The following IFIH1 variants were observed in gnomAD, a reference collection of about 807,000 sequenced individuals.
The protein encoded by IFIH1 is interferon induced with helicase C domain 1.
A neutral mutation model predicts 107.4 loss-of-function variants in IFIH1; 125 were observed. The ratio of observed to expected loss-of-function variants is 1.16; its 90% CI spans 1.01 to 1.35. The LOEUF (loss-of-function observed/expected upper bound fraction) is 1.35, where lower values mean the gene tolerates loss of function less well. Among genes scored for constraint, IFIH1 ranks in the 40% most tolerant of loss-of-function variants. The pLI is 0.00. For synonymous variants in IFIH1, 458 were observed against 413.2 expected (o/e 1.11, Z -1.31); for missense variants, 1,333 against 1,213.7 (o/e 1.10, Z -1.46).
chr2:162,282,277 C>A (rs921572372), intron 6 of IFIH1, 89 bp downstream of exon 6: 2 of 784,860 alleles, frequency 2.5e-6, no homozygotes, highest in South Asian at 4.3e-5. Context: ...CAATTTAAGC[C>A]ACGAACATTT....
At chr2:162,303,472 T>C (rs1314429356) in intron 3 of IFIH1, among the ~76,000 whole-genome samples, 1 of 152,172 alleles carries the variant, frequency 6.6e-6, no homozygotes, top group Non-Finnish European at 1.5e-5. Flanking sequence ...AGAGTCATAT[T>C]AGGCTCCATG....
At chr2:162,310,132 A>G (rs1683364303) in intron 2 of IFIH1, 1 of 152,304 alleles carries the variant, frequency 6.6e-6, no homozygotes, top group Non-Finnish European at 1.5e-5. Flanking sequence ...GGTCACCAGA[A>G]CAAAACTGCA....
intron 9 of IFIH1, 79 bp from the exon 10 acceptor site, chr2:162,277,772 T>C: frequency 5.4e-6 from 8 of 1,474,982 alleles, no homozygotes; most frequent in Non-Finnish European, 7.2e-6. Flanking sequence ...TGAATATATG[T>C]TACTAACTGC....
intron 13 of IFIH1, among the ~76,000 whole-genome samples, chr2:162,269,066 T>C (rs1426813987): frequency 6.6e-6 from 1 of 152,200 alleles, no homozygotes; most frequent in South Asian, 2.1e-4. Context: ...TCTTAATCAG[T>C]CTACTCTTTA....
chr2:162,297,356 A>G (rs1683109488), intron 3 of IFIH1, among the ~76,000 whole-genome samples: 1 of 152,196 alleles, frequency 6.6e-6, no homozygotes, highest in African/African-American at 2.4e-5. Context: ...TTTTATAAGT[A>G]GATCGCATGG....
intron 13 of IFIH1, 123 bp from the exon 14 acceptor site, chr2:162,268,400 G>A: frequency 1.7e-6 from 1 of 600,984 alleles, no homozygotes; most frequent in Non-Finnish European, 2.8e-6. Flanking sequence ...TTATGGTCTA[G>A]GAAATAAAAA....
intron 1 of IFIH1, among the ~76,000 whole-genome samples, chr2:162,314,678 C>T (rs797010897): frequency 8.6e-5 from 13 of 151,700 alleles, no homozygotes; most frequent in African/African-American, 1.7e-4. Flanking sequence ...TTAGTAGAGA[C>T]GGAGTTTTAC....
chr2:162,304,895 T>A (rs563685904), intron 3 of IFIH1, among the ~76,000 whole-genome samples: 1 of 152,308 alleles, frequency 6.6e-6, no homozygotes, highest in Non-Finnish European at 1.5e-5. Context: ...TGACATTAAG[T>A]ATCAAATGTG....
Position 162,317,861 on chromosome 2 carries a change from T to C in IFIH1, c.447A>G (p.Arg149=). 6.4e-7 allele frequency: 1 copy of C among 1,572,498 alleles called. No individual in the cohort carries two copies. Among genetic ancestry groups the C allele is most frequent in the Non-Finnish European group, 8.6e-7 (1 of 1,160,502 alleles). The part of the protein sequence containing the change: ...MEEELLTIED[R]NRIAAAENNG... ...CATCTGAACAGACACCTACCCGGTT[T>C]CTGTCTTCAATTGTCAACAGTTCCT... Residue 149 remains arginine, a synonymous_variant, in exon 1 of 16, where the codon AGA becomes AGG. Coordinates refer to ENST00000649979, the MANE Select transcript of IFIH1 (RefSeq NM_022168.4).
chr2:162,309,630 T>A (rs750583340), intron 2 of IFIH1, among the ~76,000 whole-genome samples: 1 of 152,218 alleles, frequency 6.6e-6, no homozygotes, highest in African/African-American at 2.4e-5. Flanking sequence ...AAATGGCTGA[T>A]TAAGTCCATC....
chr2:162,293,540 G>A (rs1300997033), intron 4 of IFIH1, 24 bp downstream of exon 4: 1 of 1,488,000 alleles, frequency 6.7e-7, no homozygotes, highest in Admixed American at 1.7e-5. Context: ...ACTTTTTAAG[G>A]TTTACACAAC....
intron 1 of IFIH1, among the ~76,000 whole-genome samples, chr2:162,315,991 T>C (rs756665085): frequency 5.9e-5 from 9 of 152,234 alleles, no homozygotes; most frequent in South Asian, 4.1e-4. Flanking sequence ...GTTTTGGCCT[T>C]AACTGCTACC....
At chr2:162,294,755 T>C (rs934449646) in intron 3 of IFIH1, among the ~76,000 whole-genome samples, 1 of 151,772 alleles carries the variant, frequency 6.6e-6, no homozygotes, top group African/African-American at 2.4e-5. Context: ...TAATTAAAAA[T>C]ATTTTATAAT....
rs1403164634 is a variant in IFIH1, at chr2:162,318,102, C to T, written c.206G>A (p.Gly69Glu). The T allele has an allele frequency of 1.9e-6, 3 of 1,614,084 alleles. No individual in the cohort carries two copies. The highest frequency in any genetic ancestry group is 2.5e-6 in the Non-Finnish European group (3 of 1,180,042). Residue 69 changes from glycine to glutamate, a missense_variant, in exon 1 of 16, where the codon GGA becomes GAA. Gly to Glu is a moderately conservative substitution (Grantham distance 98). Transcript: ENST00000649979. ...CCGAGTCCAACCAAGGTGCCAGACT[C>T]CCTTCTCCAAGGTGCTCAGCAGCAG... Reference protein sequence around the residue: ...VELLLSTLEKGVWHLGWTREF... With the variant: ...VELLLSTLEKEVWHLGWTREF...
chr2:162,309,494 C>T (rs1558875863), intron 2 of IFIH1, among the ~76,000 whole-genome samples: 1 of 152,212 alleles, frequency 6.6e-6, no homozygotes, highest in Non-Finnish European at 1.5e-5. Context: ...GCTCTATGGT[C>T]TGGTTCTGTA....
chr2:162,313,534 A>C (rs1172029974), intron 1 of IFIH1, among the ~76,000 whole-genome samples: 3 of 152,264 alleles, frequency 2.0e-5, no homozygotes, highest in Non-Finnish European at 2.9e-5. Flanking sequence ...TCCAACAGAA[A>C]TCAGTGAAGA....
Position 162,278,091 on chromosome 2 carries a change from A to T in IFIH1, c.1765+114T>A, listed in dbSNP as rs569360002. 6 of 854,882 alleles carry T rather than the reference A, an allele frequency of 7.0e-6. No homozygotes were observed. In the African/African-American group the frequency reaches 8.6e-5, roughly 12 times the overall value. The allele number at this position is 854,882 out of a possible 1,614,324, so 53.0% of individuals were successfully genotyped here. A position where few individuals can be genotyped will look rare whatever the true frequency, so the allele number is the denominator to read the frequency against. On this transcript the variant is annotated intron_variant, in intron 9 of 15. Transcript: ENST00000649979. Reference sequence around the variant, plus strand: ...TGCTTGTCCTACAGAGAACACAGAAATTCTATTTGGAACTACTTTTGCTTT... The same window carrying T: ...TGCTTGTCCTACAGAGAACACAGAATTTCTATTTGGAACTACTTTTGCTTT...
In IFIH1 at chr2:162,310,805, G is replaced by A; in HGVS notation, c.582C>T (p.Val194=). The A allele has an allele frequency of 6.2e-7, 1 of 1,613,732 alleles. No individual in the cohort carries two copies. Among genetic ancestry groups the A allele is most frequent in the Non-Finnish European group, 8.5e-7 (1 of 1,179,798 alleles). ...AGCAATCAGAGCCTGTTAACTCTTGGACAAGTTCATTGTTTCCTGTTTGAC... is the reference window on the plus strand; with the variant it reads ...AGCAATCAGAGCCTGTTAACTCTTGAACAAGTTCATTGTTTCCTGTTTGAC... ...VLRQTGNNEL[V]QELTGSDCSE... The change falls in exon 2 of 16, where the codon GTC becomes GTT. Residue 194 remains valine (V), a synonymous_variant. Coordinates refer to ENST00000649979, the MANE Select transcript of IFIH1 (RefSeq NM_022168.4).
intron 5 of IFIH1, among the ~76,000 whole-genome samples, chr2:162,285,622 T>A (rs1277341414): frequency 2.0e-5 from 3 of 151,924 alleles, no homozygotes; most frequent in Non-Finnish European, 4.4e-5. Flanking sequence ...TCCCCAGGTG[T>A]CCACACAACA....
Sources: allele counts gnomAD v4.1 joint callset (sites outside exome capture counted in the v4.1 genomes callset), GRCh38; gene constraint gnomAD v4.1.1; transcripts MANE v1.5; gene names NCBI Gene and HGNC (gene_info 2026-07-23, HGNC 2026-07-21).